PIK3C2A: variants seen among roughly 807,000 people sequenced by gnomAD.
PIK3C2A encodes phosphatidylinositol-4-phosphate 3-kinase catalytic subunit type 2 alpha.
A neutral mutation model predicts 204.5 loss-of-function variants in PIK3C2A; 97 were observed. That is an observed-to-expected ratio of 0.47 (90% confidence interval 0.40 to 0.56). The LOEUF (loss-of-function observed/expected upper bound fraction) is 0.56. Ranked by LOEUF, PIK3C2A falls within the 20% of genes least tolerant of loss-of-function variation. The pLI, the probability that PIK3C2A is intolerant of heterozygous loss-of-function variation, is 0.00. For synonymous variants in PIK3C2A, 653 were observed against 664.4 expected (o/e 0.98, Z 0.26); for missense variants, 1,735 against 1,969.2 (o/e 0.88, Z 2.25).
At position 17,110,994 on chromosome 11, in the gene PIK3C2A, G is replaced by A. The variant is rs748897027; in HGVS notation, c.3415-433C>T. Reference sequence around the variant, plus strand: ...GTCATCTCGGCTCACTGCAATCTCCGCCTCCTAGGTTCAACTGATTCTCCT... The same window carrying A: ...GTCATCTCGGCTCACTGCAATCTCCACCTCCTAGGTTCAACTGATTCTCCT... On this transcript the variant is annotated intron_variant, in intron 21 of 32. Transcript: ENST00000691414. 2.6e-5 allele frequency among the ~76,000 whole-genome samples: 4 copies of A among 151,992 alleles called. No individual in the cohort carries two copies. In the South Asian group the frequency reaches 6.2e-4, roughly 24 times the overall value.
At chr11:17,142,701 C>CA (rs1314215054) in intron 8 of PIK3C2A, among the ~76,000 whole-genome samples, 2 of 152,030 alleles carry the variant, frequency 1.3e-5, no homozygotes, top group African/African-American at 4.8e-5. Context: ...GCTTGGGTGA[C>CA]AGAGTGACAC....
chr11:17,092,895 TCTCAAGTTTAATCA>T (rs1303308387), intron 28 of PIK3C2A, among the ~76,000 whole-genome samples: 1 of 152,194 alleles, frequency 6.6e-6, no homozygotes, highest in Non-Finnish European at 1.5e-5. Context: ...TAATATTTCT[TCTCAAGTTTAATCA>T]CTCATAAATA....
intron 26 of PIK3C2A, among the ~76,000 whole-genome samples, chr11:17,098,293 G>T (rs1325334914): frequency 6.6e-6 from 1 of 152,188 alleles, no homozygotes; most frequent in Admixed American, 6.5e-5. Flanking sequence ...AGTAATAAAG[G>T]TTAAATGAGG....
In PIK3C2A at chr11:17,147,754, C is replaced by T. The variant is rs1850290281; in HGVS notation, c.1449-126G>A. ...GGTGAAACAGAGACAGTTTTAAAAT[C>T]AAGTCTGAGCATTTAAACAGAGAAA... On this transcript the variant is annotated intron_variant, in intron 5 of 32. Coordinates refer to ENST00000691414, the MANE Select transcript of PIK3C2A (RefSeq NM_002645.4). 6 of 588,502 alleles carry T rather than the reference C, an allele frequency of 1.0e-5. No homozygotes were observed. In the South Asian group the frequency reaches 1.4e-4, roughly 13 times the overall value. The allele number at this position is 588,502 out of a possible 1,614,324, so 36.5% of individuals were successfully genotyped here. A position where few individuals can be genotyped will look rare whatever the true frequency, so the allele number is the denominator to read the frequency against.
At chr11:17,178,769 C>CCGGACTG (rs1851430000) in intron 1 of PIK3C2A, among the ~76,000 whole-genome samples, 1 of 143,410 alleles carries the variant, frequency 7.0e-6, no homozygotes, top group African/African-American at 2.6e-5. Context: ...GTCGCCCAGG[C>CCGGACTG]CGGACTGCGG....
intron 24 of PIK3C2A, among the ~76,000 whole-genome samples, chr11:17,102,121 A>G (rs1848654312): frequency 6.6e-6 from 1 of 152,258 alleles, no homozygotes; most frequent in South Asian, 2.1e-4. Context: ...AGATAAAAAA[A>G]ATATATGTCC....
chr11:17,119,862 G>T lies in PIK3C2A; in HGVS notation c.2770C>A (p.Leu924Ile), dbSNP rs761682657. Reference protein sequence around the residue: ...ASAPNWKWVNLAKTYSLLHQW... With the variant: ...ASAPNWKWVNIAKTYSLLHQW... ...TGAAGCAATGAGTAAGTTTTGGCAA[G>T]ATTAACCCATTTCCAGTTTGGGGCG... is the stretch of plus-strand genomic sequence containing the variant. The change falls in exon 16 of 33, where the codon CTT becomes ATT. Residue 924 changes from leucine (L) to isoleucine (I), a missense_variant. Around this residue, in one of 6 missense-constraint regions of PIK3C2A, gnomAD observed 567 missense variants for 576.0 expected, o/e 0.98. Coordinates refer to ENST00000691414, the MANE Select transcript of PIK3C2A (RefSeq NM_002645.4). The T allele has an allele frequency of 6.2e-7, 1 of 1,611,504 alleles. No individual in the cohort carries two copies. The highest frequency in any genetic ancestry group is 1.1e-5 in the South Asian group (1 of 90,726).
At chr11:17,193,089 C>T (rs527731224) in intron 1 of PIK3C2A, among the ~76,000 whole-genome samples, 2 of 152,162 alleles carry the variant, frequency 1.3e-5, no homozygotes, top group African/African-American at 2.4e-5. Context: ...CATATGTGGT[C>T]GCCTGCACTC....
intron 5 of PIK3C2A, chr11:17,148,148 G>T (rs572297450): frequency 2.6e-5 from 4 of 152,080 alleles, no homozygotes; most frequent in African/African-American, 9.8e-5. Context: ...GGTGGAGGTT[G>T]TGGTGAGCCA....
intron 24 of PIK3C2A, among the ~76,000 whole-genome samples, chr11:17,101,895 A>G (rs143755806): frequency 0.018 from 2,801 of 151,660 alleles, 59 homozygotes; most frequent in African/African-American, 0.057. Flanking sequence ...GAGCCACTGC[A>G]CCCGGCCTCT....
intron 30 of PIK3C2A, 84 bp from the exon 31 acceptor site, chr11:17,091,740 C>T: frequency 1.1e-6 from 1 of 910,476 alleles, no homozygotes; most frequent in Non-Finnish European, 1.7e-6. Context: ...ATTTTCAAGA[C>T]TGTCACATGT....
At chr11:17,178,388 C>T (rs1224281410) in intron 1 of PIK3C2A, among the ~76,000 whole-genome samples, 1 of 151,718 alleles carries the variant, frequency 6.6e-6, no homozygotes, top group Non-Finnish European at 1.5e-5. Flanking sequence ...GAAACAGGAA[C>T]AAAAAACATG....
At chr11:17,125,981 A>G (rs1409063284) in intron 13 of PIK3C2A, among the ~76,000 whole-genome samples, 1 of 151,972 alleles carries the variant, frequency 6.6e-6, no homozygotes, top group Non-Finnish European at 1.5e-5. Context: ...AAAATTAGCC[A>G]GGCATGGTAG....
chr11:17,198,182 C>T (rs2137573785), intron 1 of PIK3C2A, among the ~76,000 whole-genome samples: 1 of 150,480 alleles, frequency 6.6e-6, no homozygotes, highest in East Asian at 2.0e-4. Flanking sequence ...AGTCTCCGCT[C>T]ATTGCAACCT....
intron 21 of PIK3C2A, among the ~76,000 whole-genome samples, chr11:17,112,147 T>C (rs1460540979): frequency 6.6e-6 from 1 of 152,102 alleles, no homozygotes; most frequent in African/African-American, 2.4e-5. Flanking sequence ...GTACAAATCA[T>C]GATCAAAACA....
At chr11:17,168,525 G>C (rs1427052264) in intron 2 of PIK3C2A, 152 bp downstream of exon 2, 3 of 590,262 alleles carry the variant, frequency 5.1e-6, no homozygotes, top group African/African-American at 1.9e-5. Context: ...AGCTTGCAGT[G>C]AGCCGAAATC....
chr11:17,121,486 A>G (rs1039008699), intron 15 of PIK3C2A, among the ~76,000 whole-genome samples: 1 of 152,178 alleles, frequency 6.6e-6, no homozygotes, highest in African/African-American at 2.4e-5. Flanking sequence ...GCAAATATAA[A>G]AGAGTTTTAT....
intron 2 of PIK3C2A, among the ~76,000 whole-genome samples, chr11:17,168,438 G>A (rs1036449011): frequency 3.1e-4 from 47 of 151,960 alleles, no homozygotes; most frequent in Admixed American, 1.2e-3. Flanking sequence ...AAAATTAGCC[G>A]GGTGTGGTGG....
At chr11:17,185,801 T>G (rs10832742) in intron 1 of PIK3C2A, among the ~76,000 whole-genome samples, 4,598 of 152,226 alleles carry the variant, frequency 0.03, 93 homozygotes, top group South Asian at 0.054. Context: ...TCATCTCTTG[T>G]TCTTTCCTGG....
Sources: allele counts gnomAD v4.1 joint callset (sites outside exome capture counted in the v4.1 genomes callset), GRCh38; gene constraint gnomAD v4.1.1; regional missense constraint gnomAD v4.1.1; transcripts MANE v1.5; gene names NCBI Gene and HGNC (gene_info 2026-07-23, HGNC 2026-07-21).